GALNT13: variants seen among roughly 807,000 people sequenced by gnomAD.
GALNT13 encodes the protein polypeptide N-acetylgalactosaminyltransferase 13.
In GALNT13, 28 loss-of-function variants were observed where a neutral mutation model predicts 64.2. The ratio of observed to expected loss-of-function variants is 0.44; its 90% CI spans 0.32 to 0.60. The LOEUF (loss-of-function observed/expected upper bound fraction) is 0.60, where lower values mean the gene tolerates loss of function less well. GALNT13 is among the 20% of genes least tolerant of loss of function. GALNT13 has a pLI of 0.05. For synonymous variants in GALNT13, 214 were observed against 224.6 expected (o/e 0.95, Z 0.42); for missense variants, 577 against 669.8 (o/e 0.86, Z 1.53).
the GALNT13 span, among the ~76,000 whole-genome samples, chr2:153,525,464 A>G: frequency 6.6e-6 from 1 of 152,150 alleles, no homozygotes; most frequent in African/African-American, 2.4e-5. Context: ...AAGGACCTGT[A>G]CTAGAACCAG....
At chr2:153,357,239 G>C in the GALNT13 span, 2 of 152,192 alleles carry the variant, frequency 1.3e-5, no homozygotes, top group African/African-American at 4.8e-5. Context: ...TATACTTTCT[G>C]TTTTATCTTG....
the GALNT13 span, among the ~76,000 whole-genome samples, chr2:153,404,863 G>T: frequency 2.6e-5 from 4 of 152,106 alleles, no homozygotes; most frequent in Non-Finnish European, 5.9e-5. Context: ...TTTTCCCATG[G>T]AAAAATGAAA....
intron 4 of GALNT13, among the ~76,000 whole-genome samples, chr2:154,145,114 A>G (rs1169773831): frequency 7.0e-6 from 1 of 143,396 alleles, no homozygotes; most frequent in African/African-American, 2.5e-5. Flanking sequence ...ATATATATAT[A>G]TATATACACA....
chr2:153,128,920 T>C, the GALNT13 span, among the ~76,000 whole-genome samples: 128 of 152,216 alleles, frequency 8.4e-4, no homozygotes, highest in African/African-American at 3.0e-3. Flanking sequence ...GAGAACAGCA[T>C]GGGAAAGACC....
chr2:154,214,097 TTGA>T (rs530296586), intron 4 of GALNT13, among the ~76,000 whole-genome samples: 156 of 152,326 alleles, frequency 1.0e-3, no homozygotes, highest in African/African-American at 3.5e-3. Context: ...ATTATCATAA[TTGA>T]TGATAATTGA....
At chr2:153,303,764 A>G in the GALNT13 span, among the ~76,000 whole-genome samples, 7 of 152,076 alleles carry the variant, frequency 4.6e-5, no homozygotes, top group Non-Finnish European at 7.4e-5. Flanking sequence ...CATGAAAAAT[A>G]TATTGAATTT....
At chr2:153,091,206 A>G in the GALNT13 span, among the ~76,000 whole-genome samples, 2 of 152,034 alleles carry the variant, frequency 1.3e-5, no homozygotes, top group East Asian at 3.9e-4. Context: ...CCCCTTCCCA[A>G]TTGTGCTGGC....
In GALNT13 at chr2:153,982,440, A is replaced by T. The variant is rs553670903; in HGVS notation, c.142+37801A>T. Among the ~76,000 whole-genome samples the T allele has an allele frequency of 3.3e-5, 5 of 152,204 alleles. No homozygotes were observed. The South Asian group carries it at 1.0e-3, about 32-fold the overall frequency. ...TGCTATGTCACTTTACGAATCTGTG[A>T]GTAAGTTGCTGAAAACTGCAAATTT... is the stretch of plus-strand genomic sequence containing the variant. On this transcript the variant is annotated intron_variant, in intron 3 of 12. Coordinates refer to ENST00000392825, the MANE Select transcript of GALNT13 (RefSeq NM_052917.4).
the GALNT13 span, among the ~76,000 whole-genome samples, chr2:153,554,798 T>C: frequency 1.3e-5 from 2 of 152,174 alleles, no homozygotes; most frequent in African/African-American, 4.8e-5. Flanking sequence ...TAATGCCTAA[T>C]TTAAGTCGGA....
chr2:153,806,781 A>C, the GALNT13 span, among the ~76,000 whole-genome samples: 5 of 152,112 alleles, frequency 3.3e-5, no homozygotes, highest in Non-Finnish European at 4.4e-5. Context: ...CAAATGATTC[A>C]GATTCTTCAA....
chr2:153,887,003 A>G (rs1687227193), intron 1 of GALNT13, among the ~76,000 whole-genome samples: 1 of 152,006 alleles, frequency 6.6e-6, no homozygotes, highest in Non-Finnish European at 1.5e-5. Flanking sequence ...AGTATGACAG[A>G]AGACAGTTAC....
chr2:153,759,828 A>T, the GALNT13 span, among the ~76,000 whole-genome samples: 5 of 148,916 alleles, frequency 3.4e-5, no homozygotes, highest in East Asian at 3.9e-4. Context: ...CTACCCTCAT[A>T]AAAAAAAAAT....
At chr2:153,573,506 T>A in the GALNT13 span, among the ~76,000 whole-genome samples, 3 of 152,150 alleles carry the variant, frequency 2.0e-5, no homozygotes, top group African/African-American at 7.2e-5. Context: ...TCTGGTAGTT[T>A]GGTCTTCATT....
chr2:154,115,542 C>A (rs1703247361), intron 3 of GALNT13, among the ~76,000 whole-genome samples: 1 of 151,856 alleles, frequency 6.6e-6, no homozygotes, highest in African/African-American at 2.4e-5. Flanking sequence ...TACCTCAGCC[C>A]CCTGAGTAGC....
At chr2:153,434,075 C>T in the GALNT13 span, among the ~76,000 whole-genome samples, 21 of 151,996 alleles carry the variant, frequency 1.4e-4, no homozygotes, top group Non-Finnish European at 2.2e-4. Flanking sequence ...TGAGAACATG[C>T]GGTGTTTGGT....
chr2:154,204,688 T>A (rs751975284), intron 4 of GALNT13, among the ~76,000 whole-genome samples: 18 of 152,324 alleles, frequency 1.2e-4, no homozygotes, highest in Non-Finnish European at 1.8e-4. Context: ...CTTTTTATAA[T>A]TTATTCTCCA....
At chr2:153,464,557 T>C in the GALNT13 span, among the ~76,000 whole-genome samples, 3 of 152,064 alleles carry the variant, frequency 2.0e-5, no homozygotes, top group Non-Finnish European at 4.4e-5. Flanking sequence ...CTTGGCAAAA[T>C]TTCAAAATAA....
intron 4 of GALNT13, among the ~76,000 whole-genome samples, chr2:154,163,673 C>G (rs548392932): frequency 6.6e-6 from 1 of 152,058 alleles, no homozygotes; most frequent in East Asian, 1.9e-4. Context: ...GTAACAAGCC[C>G]GAAGCTATCT....
chr2:154,413,443 C>T (rs1350105032), intron 11 of GALNT13, among the ~76,000 whole-genome samples: 1 of 151,894 alleles, frequency 6.6e-6, no homozygotes, highest in East Asian at 1.9e-4. Flanking sequence ...ATAATTCATG[C>T]TACATTAGTT....
Sources: gnomAD v4.1 joint callset for allele counts (sites outside exome capture counted in the v4.1 genomes callset) on GRCh38, gnomAD v4.1.1 for gene constraint, MANE v1.5 for transcripts, NCBI Gene and HGNC (gene_info 2026-07-23, HGNC 2026-07-21) for gene names.